The following SPPL3 variants were observed in gnomAD, a reference collection of about 807,000 sequenced individuals.
SPPL3 encodes signal peptide peptidase-like 3.
In SPPL3, 5 loss-of-function variants were observed where a neutral mutation model predicts 42.4. That is an observed-to-expected ratio of 0.12 (90% CI 0.06 to 0.25). The LOEUF (loss-of-function observed/expected upper bound fraction) is 0.25. Ranked by LOEUF, SPPL3 falls within the 10% of genes least tolerant of loss-of-function variation. The probability of loss-of-function intolerance (pLI) is 1.00; values close to 1 mark genes in which losing one functional copy is unlikely to be tolerated. For missense variants in SPPL3, 235 were observed against 489.0 expected (o/e 0.48, Z 4.90); for synonymous variants, 195 against 181.8 (o/e 1.07, Z -0.58).
intron 1 of SPPL3, among the ~76,000 whole-genome samples, chr12:120,897,849 C>T (rs1168952): frequency 0.96 from 145,931 of 152,288 alleles, 70,243 homozygotes; most frequent in East Asian, 1. Context: ...GATACAACAA[C>T]ACACAACAGT....
chr12:120,789,666 A>G (rs563432196), intron 3 of SPPL3, among the ~76,000 whole-genome samples: 4 of 151,166 alleles, frequency 2.6e-5, no homozygotes, highest in Non-Finnish European at 5.9e-5. Context: ...CTCTACTAAA[A>G]ATACAAAAAT....
At chr12:120,868,794 T>C (rs905548813) in intron 1 of SPPL3, among the ~76,000 whole-genome samples, 11 of 152,178 alleles carry the variant, frequency 7.2e-5, no homozygotes, top group African/African-American at 2.2e-4. Context: ...GTGTGGTAAT[T>C]TCTAAGGAAA....
chr12:120,870,850 A>G (rs901833298), intron 1 of SPPL3, among the ~76,000 whole-genome samples: 3 of 152,110 alleles, frequency 2.0e-5, no homozygotes, highest in African/African-American at 7.2e-5. Context: ...TTGCTGTTTA[A>G]TAAGTACAGA....
Position 120,783,716 on chromosome 12 carries a change from G to A in SPPL3, c.347C>T (p.Pro116Leu). ...ATIAFAFLLL[P>L]MCQYLTRPCS... The stretch of plus-strand genomic sequence containing the variant: ...GGGTCTTGTTAAATACTGGCACATC[G>A]GGAGGAGAAGAAAAGCAAAAGCTAT... The change falls in exon 5 of 11, where the codon CCG (proline) becomes CTG (leucine). Residue 116 changes from proline (P) to leucine (L), a missense_variant. By Grantham distance (98) the Pro-to-Leu change is moderately conservative (BLOSUM62 -3). Transcript: ENST00000353487. 1 of 1,613,656 alleles carries A rather than the reference G, an allele frequency of 6.2e-7. No individual in the cohort carries two copies. Among genetic ancestry groups the A allele is most frequent in the Non-Finnish European group, 8.5e-7 (1 of 1,179,784 alleles).
chr12:120,825,678 G>A (rs779892033), intron 1 of SPPL3, among the ~76,000 whole-genome samples: 1 of 152,138 alleles, frequency 6.6e-6, no homozygotes, highest in African/African-American at 2.4e-5. Flanking sequence ...TTTAGCTGCT[G>A]GAGTTTTAAC....
intron 2 of SPPL3, among the ~76,000 whole-genome samples, chr12:120,810,180 C>T (rs1033307973): frequency 9.2e-5 from 14 of 152,026 alleles, no homozygotes; most frequent in Admixed American, 5.9e-4. Flanking sequence ...CGGGGTCTTG[C>T]TATGTTGCCC....
intron 1 of SPPL3, among the ~76,000 whole-genome samples, chr12:120,901,098 A>G (rs961367207): frequency 6.6e-6 from 1 of 152,198 alleles, no homozygotes; most frequent in Non-Finnish European, 1.5e-5. Flanking sequence ...GGGAGAATTC[A>G]TGTCAAACAA....
intron 1 of SPPL3, among the ~76,000 whole-genome samples, chr12:120,899,259 T>A (rs1566073654): frequency 6.6e-6 from 1 of 152,246 alleles, no homozygotes; most frequent in African/African-American, 2.4e-5. Flanking sequence ...AAGGATGGCA[T>A]TCCTCATTCT....
intron 1 of SPPL3, among the ~76,000 whole-genome samples, chr12:120,893,382 A>T (rs1056575054): frequency 5.9e-5 from 9 of 151,758 alleles, no homozygotes; most frequent in South Asian, 2.1e-4. Flanking sequence ...AAAAATATAT[A>T]TTTTTTTCCG....
intron 1 of SPPL3, among the ~76,000 whole-genome samples, chr12:120,858,656 TAAGA>T (rs1872536872): frequency 6.6e-6 from 1 of 151,818 alleles, no homozygotes; most frequent in Non-Finnish European, 1.5e-5. Flanking sequence ...ATGGAAAAGT[TAAGA>T]AAGGGATAAA....
At chr12:120,787,902 T>G (rs558522076) in intron 3 of SPPL3, among the ~76,000 whole-genome samples, 1 of 152,330 alleles carries the variant, frequency 6.6e-6, no homozygotes, top group East Asian at 1.9e-4. Context: ...ACAGTAAAAT[T>G]TATCCATTCT....
intron 1 of SPPL3, among the ~76,000 whole-genome samples, chr12:120,823,508 A>G (rs893879031): frequency 2.0e-5 from 3 of 151,996 alleles, no homozygotes; most frequent in African/African-American, 7.3e-5. Flanking sequence ...TCTTGAAACA[A>G]TTTTATCCCA....
chr12:120,803,848 A>C (rs1870406426), intron 2 of SPPL3, among the ~76,000 whole-genome samples: 1 of 151,856 alleles, frequency 6.6e-6, no homozygotes, highest in Admixed American at 6.6e-5. Context: ...TGTTTTCTTC[A>C]AGTAGGACGA....
At chr12:120,855,928 TA>T (rs1201599803) in intron 1 of SPPL3, among the ~76,000 whole-genome samples, 1 of 152,170 alleles carries the variant, frequency 6.6e-6, no homozygotes, top group Non-Finnish European at 1.5e-5. Flanking sequence ...ATCTCAAGAC[TA>T]AATGCAATTC....
At chr12:120,838,595 C>T (rs904403580) in intron 1 of SPPL3, among the ~76,000 whole-genome samples, 2 of 152,218 alleles carry the variant, frequency 1.3e-5, no homozygotes, top group East Asian at 1.9e-4. Context: ...TCACTTAAGC[C>T]ATTTGGGCTC....
At chr12:120,890,762 T>C (rs1020205436) in intron 1 of SPPL3, among the ~76,000 whole-genome samples, 5 of 151,970 alleles carry the variant, frequency 3.3e-5, no homozygotes, top group South Asian at 2.1e-4. Flanking sequence ...AGGAAGCAAA[T>C]TTAAAATATA....
At chr12:120,836,950 T>C (rs543510324) in intron 1 of SPPL3, among the ~76,000 whole-genome samples, 5 of 152,084 alleles carry the variant, frequency 3.3e-5, no homozygotes, top group Admixed American at 2.0e-4. Flanking sequence ...ACGCTGCCCA[T>C]TGGGAGAAAC....
intron 1 of SPPL3, among the ~76,000 whole-genome samples, chr12:120,821,278 G>GC (rs1871059371): frequency 6.6e-6 from 1 of 152,240 alleles, no homozygotes; most frequent in African/African-American, 2.4e-5. Context: ...TTTTTCCTAT[G>GC]AATTATCCTC....
At chr12:120,800,637 CATATT>C (rs1870259395) in intron 2 of SPPL3, among the ~76,000 whole-genome samples, 1 of 152,080 alleles carries the variant, frequency 6.6e-6, no homozygotes, top group African/African-American at 2.4e-5. Context: ...TAAATTATAG[CATATT>C]ATATGCTATT....
Sources: allele counts gnomAD v4.1 joint callset (sites outside exome capture counted in the v4.1 genomes callset), GRCh38; gene constraint gnomAD v4.1.1; transcripts MANE v1.5; gene names NCBI Gene and HGNC (gene_info 2026-07-23, HGNC 2026-07-21).